NUCB2: variants seen among roughly 807,000 people sequenced by gnomAD.
The protein encoded by NUCB2 is nucleobindin-2.
In NUCB2, 48 loss-of-function variants were observed where a neutral mutation model predicts 57.9. That is an observed-to-expected ratio of 0.83 (90% CI 0.66 to 1.05). The LOEUF (loss-of-function observed/expected upper bound fraction) is 1.05, where lower values mean the gene tolerates loss of function less well. Ranked by LOEUF, NUCB2 falls within the 50% of genes least tolerant of loss-of-function variation. NUCB2 has a pLI of 0.00. For missense variants in NUCB2, 442 were observed against 476.2 expected (o/e 0.93, Z 0.67); for synonymous variants, 139 against 152.1 (o/e 0.91, Z 0.64).
intron 2 of NUCB2, among the ~76,000 whole-genome samples, chr11:17,346,391 G>T (rs1952739612): frequency 6.6e-6 from 1 of 152,210 alleles, no homozygotes; most frequent in South Asian, 2.1e-4. Flanking sequence ...ATGTGGAAAA[G>T]CACCTCACTC....
intron 2 of NUCB2, among the ~76,000 whole-genome samples, chr11:17,339,455 C>G (rs1309254379): frequency 2.0e-5 from 3 of 151,474 alleles, no homozygotes; most frequent in Non-Finnish European, 4.4e-5. Flanking sequence ...CACCCATTAA[C>G]TCGTCATTTA....
At chr11:17,304,338 G>A (rs1385881261) in intron 5 of NUCB2, among the ~76,000 whole-genome samples, 1 of 151,976 alleles carries the variant, frequency 6.6e-6, no homozygotes, top group Non-Finnish European at 1.5e-5. Context: ...GGGATTACAG[G>A]TGCCTGCCAC....
chr11:17,309,695 G>C lies in NUCB2; in HGVS notation c.483+20G>C, dbSNP rs375469040. On this transcript the variant is annotated intron_variant, in intron 6 of 13. Coordinates refer to ENST00000529010, the MANE Select transcript of NUCB2 (RefSeq NM_005013.4). ...AAAGCGGTGAGAATAATTCCAAAAAGTTTTGTCTTTATTGTGCCTTTGAGG... is the reference window on the plus strand; with the variant it reads ...AAAGCGGTGAGAATAATTCCAAAAACTTTTGTCTTTATTGTGCCTTTGAGG... The C allele has an allele frequency of 2.3e-5, 35 of 1,509,094 alleles. No individual in the cohort carries two copies. The African/African-American group carries it at 4.4e-4, about 19-fold the overall frequency. The allele number at this position is 1,509,094 out of a possible 1,614,324, so 93.5% of individuals were successfully genotyped here.
At chr11:17,343,596 G>A (rs897016840) in intron 2 of NUCB2, among the ~76,000 whole-genome samples, 2 of 151,800 alleles carry the variant, frequency 1.3e-5, no homozygotes, top group African/African-American at 4.8e-5. Flanking sequence ...TTTTACTTTT[G>A]AATTTTATCC....
intron 11 of NUCB2, among the ~76,000 whole-genome samples, chr11:17,315,700 A>G (rs775254768): frequency 3.3e-5 from 5 of 152,224 alleles, no homozygotes; most frequent in African/African-American, 4.8e-5. Flanking sequence ...TCTTTTAAAA[A>G]TTATACTTTT....
chr11:17,331,122 T>A (rs1370103133), intron 13 of NUCB2, 139 bp downstream of exon 13: 2 of 693,378 alleles, frequency 2.9e-6, no homozygotes, highest in Non-Finnish European at 4.6e-6. Flanking sequence ...TTAGAGCAAT[T>A]TAGATTATAG....
At chr11:17,313,617 C>CA (rs1948826368) in intron 10 of NUCB2, among the ~76,000 whole-genome samples, 1 of 152,166 alleles carries the variant, frequency 6.6e-6, no homozygotes, top group African/African-American at 2.4e-5. Flanking sequence ...TGTTTCTCTT[C>CA]AAGGAGTTGT....
chr11:17,304,673 A>G (rs1483630075), intron 5 of NUCB2, among the ~76,000 whole-genome samples: 2 of 152,234 alleles, frequency 1.3e-5, no homozygotes, highest in Non-Finnish European at 2.9e-5. Flanking sequence ...TAGGAAAATT[A>G]TGGTAAACTT....
Position 17,330,006 on chromosome 11 carries a change from C to T in NUCB2, c.1003-121C>T. Reference sequence around the variant, plus strand: ...TTACTTATTTCCCCTTCCTTCTTACCTCCAAAGGCGTAATCCTATAGATAC... The same window carrying T: ...TTACTTATTTCCCCTTCCTTCTTACTTCCAAAGGCGTAATCCTATAGATAC... On this transcript the variant is annotated intron_variant, in intron 11 of 13. Coordinates refer to ENST00000529010, the MANE Select transcript of NUCB2 (RefSeq NM_005013.4). This position sits in a 1 kb window ranked among gnomAD's most constrained non-coding sequence, Gnocchi z 4.3. 2.1e-6 allele frequency: 1 copy of T among 477,478 alleles called. No homozygotes were observed. The highest frequency in any genetic ancestry group is 4.8e-5 in the South Asian group (1 of 20,800). The allele number at this position is 477,478 out of a possible 1,614,324, so 29.6% of individuals were successfully genotyped here.
At position 17,280,816 on chromosome 11, in the gene NUCB2, G is replaced by A. The variant is rs374263559; in HGVS notation, c.-155-1973G>A. On this transcript the variant is annotated intron_variant, in intron 1 of 13. Transcript: ENST00000529010. ...GGACTTTGGGAGGCTAAGGTGAGCA[G>A]ATCACTTGAGCTCACAGGTTTGAGA... 2.7e-4 allele frequency among the ~76,000 whole-genome samples: 41 copies of A among 152,320 alleles called. No homozygotes were observed. The South Asian group carries it at 8.3e-3, about 31-fold the overall frequency.
intron 5 of NUCB2, among the ~76,000 whole-genome samples, chr11:17,308,924 G>T (rs1476650859): frequency 6.6e-6 from 1 of 152,094 alleles, no homozygotes; most frequent in African/African-American, 2.4e-5. Context: ...CTATATTAGA[G>T]ATTTATTAAA....
At chr11:17,278,053 T>G (rs1017036800) in intron 1 of NUCB2, among the ~76,000 whole-genome samples, 10 of 152,004 alleles carry the variant, frequency 6.6e-5, no homozygotes, top group African/African-American at 2.4e-4. Flanking sequence ...TCTACCTTTG[T>G]AGTAGGGGGT....
rs774637284 is a variant in NUCB2 at position 17,309,724 on chromosome 11, TGTAATTTGACAA to T, written c.483+54_483+65del. On this transcript the variant is annotated intron_variant, in intron 6 of 13. Transcript: ENST00000529010. ...TGTCTTTATTGTGCCTTTGAGGTTT[TGTAATTTGACAA>T]GTAAACCCAATGAAATGGAAATATA... The T allele has an allele frequency of 6.9e-6, 8 of 1,164,494 alleles. No individual in the cohort carries two copies. In the South Asian group the frequency reaches 1.1e-4, roughly 16 times the overall value. 72.1% of individuals were successfully genotyped at this position (1,164,494 alleles called of 1,614,324 possible).
rs1948389418 is a variant in NUCB2 at position 17,310,898 on chromosome 11, A to G, written c.557A>G (p.His186Arg). The G allele has an allele frequency of 6.3e-7, 1 of 1,596,814 alleles. No individual in the cohort carries two copies. The highest frequency in any genetic ancestry group is 2.2e-5 in the East Asian group (1 of 44,576). Reference sequence around the variant, plus strand: ...AAAAAATATGAAATGATGAAGGAACATGAAAGGAGAGAATATTTAAAAACA... The same window carrying G: ...AAAAAATATGAAATGATGAAGGAACGTGAAAGGAGAGAATATTTAAAAACA... ...EFKKYEMMKE[H>R]ERREYLKTLN... The change falls in exon 7 of 14, where the codon CAT (histidine) becomes CGT (arginine). Residue 186 changes from histidine (H) to arginine (R), a missense_variant. By Grantham distance (29) the His-to-Arg change is conservative. Coordinates refer to ENST00000529010, the MANE Select transcript of NUCB2 (RefSeq NM_005013.4).
chr11:17,282,256 ATAT>A (rs1223384455), intron 1 of NUCB2, among the ~76,000 whole-genome samples: 105 of 108,292 alleles, frequency 9.7e-4, no homozygotes, highest in African/African-American at 2.8e-3. Flanking sequence ...ATATATATAT[ATAT>A]TTTTTTTTTT....
chr11:17,308,538 T>A (rs1438177867), intron 5 of NUCB2, among the ~76,000 whole-genome samples: 1 of 152,218 alleles, frequency 6.6e-6, no homozygotes, highest in Non-Finnish European at 1.5e-5. Context: ...TCTTCCTAAA[T>A]GAGAGCTGAT....
chr11:17,308,809 T>G (rs1287163853), intron 5 of NUCB2, among the ~76,000 whole-genome samples: 1 of 152,232 alleles, frequency 6.6e-6, no homozygotes, highest in East Asian at 1.9e-4. Flanking sequence ...ATTAGATTTT[T>G]ATTGTTTCAT....
chr11:17,284,906 G>A (rs1318290453), intron 2 of NUCB2, among the ~76,000 whole-genome samples: 1 of 152,074 alleles, frequency 6.6e-6, no homozygotes, highest in African/African-American at 2.4e-5. Context: ...TGAGGGTAAG[G>A]ACTATGTCGA....
At chr11:17,335,276 C>G (rs145430884), downstream of NUCB2, among the ~76,000 whole-genome samples, 1 of 151,978 alleles carries the variant, frequency 6.6e-6, no homozygotes, top group African/African-American at 2.4e-5. Flanking sequence ...TTTGGGTAAA[C>G]GTTTTTAGAT....
Sources: gnomAD v4.1 joint callset for allele counts (sites outside exome capture counted in the v4.1 genomes callset) on GRCh38, gnomAD v4.1.1 for gene constraint, Gnocchi (gnomAD v3.1) non-coding constraint, MANE v1.5 for transcripts, NCBI Gene and HGNC (gene_info 2026-07-23, HGNC 2026-07-21) for gene names.